Variants in STX11 observed in about 807,000 individuals in gnomAD.
STX11 encodes syntaxin-11.
STX11 carries 21 observed loss-of-function variants against 19.9 expected under a neutral mutation model. The observed-to-expected ratio is 1.06, with a 90% CI of 0.75 to 1.52. The LOEUF (loss-of-function observed/expected upper bound fraction) is 1.52, where lower values mean the gene tolerates loss of function less well. Among genes scored for constraint, STX11 ranks in the 40% most tolerant of loss-of-function variants. STX11 has a pLI of 0.00. For synonymous variants in STX11, 193 were observed against 174.4 expected (o/e 1.11, Z -0.84); for missense variants, 438 against 405.9 (o/e 1.08, Z -0.68).
upstream of STX11, among the ~76,000 whole-genome samples, chr6:144,149,507 C>T (rs1395569519): frequency 3.3e-5 from 5 of 152,196 alleles, no homozygotes; most frequent in African/African-American, 7.2e-5. The surrounding 1 kb of genome is among the most constrained non-coding windows in gnomAD (Gnocchi z 5.1). Flanking sequence ...GACAGCGTCT[C>T]ATTCTGTCGC....
rs1353790093 is a variant in STX11 at position 144,187,682 on chromosome 6, C to T, written c.*191C>T. ...TGGAAAGATGGTTAGTTGATACCGT[C>T]CGATGATTCTTCAGTAAAGATAGAT... is the stretch of plus-strand genomic sequence containing the variant. On this transcript the variant is annotated 3_prime_UTR_variant, in exon 2 of 2. Transcript: ENST00000367568. This position sits in a 1 kb window ranked among gnomAD's most constrained non-coding sequence, Gnocchi z 5.6. 2.4e-5 allele frequency: 17 copies of T among 713,784 alleles called. No homozygotes were observed. Among genetic ancestry groups the T allele is most frequent in the Admixed American group, 5.7e-5 (2 of 35,234 alleles). The allele number at this position is 713,784 out of a possible 1,614,324, so 44.2% of individuals were successfully genotyped here.
At chr6:144,146,416 C>A (rs543295998), upstream of STX11, among the ~76,000 whole-genome samples, 1 of 152,098 alleles carries the variant, frequency 6.6e-6, no homozygotes, top group African/African-American at 2.4e-5. The surrounding 1 kb of genome is among the most constrained non-coding windows in gnomAD (Gnocchi z 4.4). Context: ...AGATCAATTG[C>A]GGAAGATAAT....
chr6:144,141,432 G>A, the STX11 span, among the ~76,000 whole-genome samples: 1 of 152,156 alleles, frequency 6.6e-6, no homozygotes, highest in Non-Finnish European at 1.5e-5. Context: ...AAAATAATAC[G>A]ATTTTTCGCC....
Position 144,180,845 on chromosome 6 carries a change from T to C in STX11, c.-5-5778T>C, listed in dbSNP as rs1175640681. ...ATAGTAGGCTATTCAAAGCAGGATC[T>C]AGGTCTCAATGGCTAGAATATTTAA... On this transcript the variant is annotated intron_variant, in intron 1 of 1. Coordinates refer to ENST00000367568, the MANE Select transcript of STX11 (RefSeq NM_003764.4). The surrounding 1 kb of genome is among the most constrained non-coding windows in gnomAD (Gnocchi z 5.3). Among the ~76,000 whole-genome samples the C allele has an allele frequency of 1.3e-5, 2 of 152,208 alleles. No individual in the cohort carries two copies. Among genetic ancestry groups the C allele is most frequent in the Non-Finnish European group, 2.9e-5 (2 of 68,034 alleles).
chr6:144,191,312 G>A lies in STX11; in HGVS notation c.*3821G>A, dbSNP rs1036380617. On this transcript the variant is annotated 3_prime_UTR_variant, in exon 2 of 2. Transcript: ENST00000367568. ...ATGAGTTAGAATTTTAAAAATGTCA[G>A]TCATTCAAAAATATTTGAACTGTGA... is the stretch of plus-strand genomic sequence containing the variant. 2.7e-5 allele frequency among the ~76,000 whole-genome samples: 4 copies of A among 148,096 alleles called. No homozygotes were observed. In the Admixed American group the frequency reaches 2.7e-4, roughly 10 times the overall value.
rs1389273819 is a variant in STX11, at chr6:144,162,962, A to G, written c.-6+12259A>G. ...CTTTTGAGGTTCATTGTCTTATTCT[A>G]GTTTGCTCAGTGCTAGGAGTCCCAT... On this transcript the variant is annotated intron_variant, in intron 1 of 1. Transcript: ENST00000367568. This position sits in a 1 kb window ranked among gnomAD's most constrained non-coding sequence, Gnocchi z 4.6. Among the ~76,000 whole-genome samples, 1 of 152,180 alleles carries G rather than the reference A, an allele frequency of 6.6e-6. No homozygotes were observed. The highest frequency in any genetic ancestry group is 1.5e-5 in the Non-Finnish European group (1 of 68,028).
chr6:144,182,901 A>G lies in STX11; in HGVS notation c.-5-3722A>G, dbSNP rs962384261. ...CCATTCCATCTCATCCACTTGTTGC[A>G]TGGTAGACTATATTGGGTACTAACT... On this transcript the variant is annotated intron_variant, in intron 1 of 1. Transcript: ENST00000367568. This position sits in a 1 kb window ranked among gnomAD's most constrained non-coding sequence, Gnocchi z 4.8. 3.9e-5 allele frequency among the ~76,000 whole-genome samples: 6 copies of G among 152,196 alleles called. No homozygotes were observed. Among genetic ancestry groups the G allele is most frequent in the African/African-American group, 1.2e-4 (5 of 41,444 alleles).
At chr6:144,173,749 G>A (rs1052852001) in intron 1 of STX11, among the ~76,000 whole-genome samples, 1 of 152,178 alleles carries the variant, frequency 6.6e-6, no homozygotes, top group Admixed American at 6.5e-5. Context: ...TATGATATGG[G>A]CTGCCTTTTC....
At chr6:144,166,058 T>G (rs183578938) in intron 1 of STX11, among the ~76,000 whole-genome samples, 249 of 152,328 alleles carry the variant, frequency 1.6e-3, no homozygotes, top group African/African-American at 5.8e-3. Flanking sequence ...CTTTGCTTCT[T>G]GTTTGGAAAT....
At position 144,186,749 on chromosome 6, in the gene STX11, T is replaced by G. The variant is rs751929025; in HGVS notation, c.122T>G (p.Leu41Arg). ...EDIVFETDHILESLYRDIRDI... is the reference protein window; with the variant it reads ...EDIVFETDHIRESLYRDIRDI... ...ATCGTGTTCGAGACGGACCACATCC[T>G]GGAGTCCCTGTACCGAGACATCCGG... Residue 41 changes from leucine to arginine, a missense_variant, in exon 2 of 2, where the codon CTG becomes CGG. Coordinates refer to ENST00000367568, the MANE Select transcript of STX11 (RefSeq NM_003764.4). 1.2e-6 allele frequency: 2 copies of G among 1,614,152 alleles called. No individual in the cohort carries two copies. Among genetic ancestry groups the G allele is most frequent in the Non-Finnish European group, 1.7e-6 (2 of 1,180,044 alleles).
At chr6:144,140,016 A>G in the STX11 span, among the ~76,000 whole-genome samples, 1 of 151,280 alleles carries the variant, frequency 6.6e-6, no homozygotes, top group Non-Finnish European at 1.5e-5. Context: ...GACCCTACCA[A>G]AGATCACTCC....
chr6:144,152,698 A>T lies in STX11; in HGVS notation c.-6+1995A>T, dbSNP rs571308127. Reference sequence around the variant, plus strand: ...CCCCAGGCTGGAGTGTGGTGGTGCAATCTTGGCTCACTGCAACCTCCACCT... The same window carrying T: ...CCCCAGGCTGGAGTGTGGTGGTGCATTCTTGGCTCACTGCAACCTCCACCT... On this transcript the variant is annotated intron_variant, in intron 1 of 1. Coordinates refer to ENST00000367568, the MANE Select transcript of STX11 (RefSeq NM_003764.4). This position sits in a 1 kb window ranked among gnomAD's most constrained non-coding sequence, Gnocchi z 4.9. 6.6e-6 allele frequency among the ~76,000 whole-genome samples: 1 copy of T among 152,280 alleles called. No individual in the cohort carries two copies. The highest frequency in any genetic ancestry group is 1.9e-4 in the East Asian group (1 of 5,186).
rs1245887690 is a variant in STX11, at chr6:144,154,347, C to G, written c.-6+3644C>G. ...TACTGTGCTACATGACATCCCACCC[C>G]CTACCTTCACTCCAAGAAATACCTG... On this transcript the variant is annotated intron_variant, in intron 1 of 1. Transcript: ENST00000367568. This position sits in a 1 kb window ranked among gnomAD's most constrained non-coding sequence, Gnocchi z 4.7. 6.6e-6 allele frequency among the ~76,000 whole-genome samples: 1 copy of G among 152,176 alleles called. No homozygotes were observed. The highest frequency in any genetic ancestry group is 2.4e-5 in the African/African-American group (1 of 41,436).
rs17073482 is a variant in STX11 at position 144,175,867 on chromosome 6, G to A, written c.-5-10756G>A. Among the ~76,000 whole-genome samples the A allele has an allele frequency of 4.7e-3, 714 of 152,286 alleles. 26 individuals carry two copies. The East Asian group carries it at 0.081, about 17-fold the overall frequency. On this transcript the variant is annotated intron_variant, in intron 1 of 1. Transcript: ENST00000367568. The surrounding 1 kb of genome is among the most constrained non-coding windows in gnomAD (Gnocchi z 5.1). ...AGGCCAAAGGGTCTCGTTAGTGACC[G>A]ATAAAGACAAGGTTGGAAGATGTGG...
At position 144,177,054 on chromosome 6, in the gene STX11, C is replaced by T. The variant is rs1801795192; in HGVS notation, c.-5-9569C>T. ...TAAGTGGCCCAAAGGACACTGTTTA[C>T]AAGAAAGAGGAACAGATAAAGGAAT... On this transcript the variant is annotated intron_variant, in intron 1 of 1. Transcript: ENST00000367568. The surrounding 1 kb of genome is among the most constrained non-coding windows in gnomAD (Gnocchi z 4.4). 6.6e-6 allele frequency among the ~76,000 whole-genome samples: 1 copy of T among 152,050 alleles called. No individual in the cohort carries two copies. The highest frequency in any genetic ancestry group is 2.1e-4 in the South Asian group (1 of 4,826).
intron 1 of STX11, among the ~76,000 whole-genome samples, chr6:144,163,516 C>T (rs1254459198): frequency 6.6e-6 from 1 of 151,942 alleles, no homozygotes; most frequent in Non-Finnish European, 1.5e-5. Flanking sequence ...CTTACTCTGT[C>T]ATCCAGGCTG....
At chr6:144,148,198 T>G (rs1307361178), upstream of STX11, among the ~76,000 whole-genome samples, 3 of 152,230 alleles carry the variant, frequency 2.0e-5, no homozygotes, top group African/African-American at 7.2e-5. Context: ...ATGCCCTACA[T>G]GCTCTACTCC....
Position 144,186,664 on chromosome 6 carries a change from A to G in STX11, c.37A>G (p.Lys13Glu). 3.1e-6 allele frequency: 5 copies of G among 1,614,156 alleles called. No homozygotes were observed. The highest frequency in any genetic ancestry group is 4.2e-6 in the Non-Finnish European group (5 of 1,180,046). Residue 13 changes from lysine (K) to glutamate (E), a missense_variant, in exon 2 of 2, where the codon AAG becomes GAG. By Grantham distance (56) the Lys-to-Glu change is moderately conservative (BLOSUM62 1). Transcript: ENST00000367568. ...GCTAGCAGAACTTCTGGACTTGTCC[A>G]AGCAATATGACCAGCAGTTCCCAGA... ...DRLAELLDLSKQYDQQFPDGD... is the reference protein window; with the variant it reads ...DRLAELLDLSEQYDQQFPDGD...
rs1046312579 is a variant in STX11 at position 144,169,447 on chromosome 6, C to G, written c.-5-17176C>G. Among the ~76,000 whole-genome samples, 1 of 152,080 alleles carries G rather than the reference C, an allele frequency of 6.6e-6. No individual in the cohort carries two copies. The highest frequency in any genetic ancestry group is 1.5e-5 in the Non-Finnish European group (1 of 68,016). On this transcript the variant is annotated intron_variant, in intron 1 of 1. Coordinates refer to ENST00000367568, the MANE Select transcript of STX11 (RefSeq NM_003764.4). This position sits in a 1 kb window ranked among gnomAD's most constrained non-coding sequence, Gnocchi z 5.2. ...TCTTTTCTAAAATTTCCGTAACCAG[C>G]CTTTTGATTATTTACAGTTTCCTTC...
Sources: allele counts gnomAD v4.1 joint callset (sites outside exome capture counted in the v4.1 genomes callset), GRCh38; gene constraint gnomAD v4.1.1; non-coding constraint Gnocchi (gnomAD v3.1); transcripts MANE v1.5; gene names NCBI Gene and HGNC (gene_info 2026-07-23, HGNC 2026-07-21).